MAST4: variants seen among roughly 807,000 people sequenced by gnomAD.
MAST4 encodes the protein microtubule associated serine/threonine kinase family member 4, also known as microtubule-associated serine/threonine-protein kinase 4.
MAST4 carries 89 observed loss-of-function variants against 162.7 expected under a neutral mutation model. The ratio of observed to expected loss-of-function variants is 0.55; its 90% CI spans 0.46 to 0.65. The LOEUF (loss-of-function observed/expected upper bound fraction) is 0.65, where lower values mean the gene tolerates loss of function less well. MAST4 is among the 30% of genes least tolerant of loss of function. The pLI is 0.00. For missense variants in MAST4, 3,153 were observed against 3,374.0 expected (o/e 0.93, Z 1.62); for synonymous variants, 1,479 against 1,361.1 (o/e 1.09, Z -1.91).
At chr5:66,934,091 A>T (rs1742461449) in intron 4 of MAST4, among the ~76,000 whole-genome samples, 1 of 152,156 alleles carries the variant, frequency 6.6e-6, no homozygotes, top group Admixed American at 6.5e-5. Flanking sequence ...ACATAATTGC[A>T]AAAAAAGTAG....
At chr5:66,871,331 T>G (rs547591119) in intron 3 of MAST4, among the ~76,000 whole-genome samples, 2 of 152,364 alleles carry the variant, frequency 1.3e-5, no homozygotes, top group Admixed American at 6.5e-5. Flanking sequence ...ACTTTAAATT[T>G]AGATATTTTT....
chr5:66,921,941 T>C (rs1456807168), intron 4 of MAST4, among the ~76,000 whole-genome samples: 1 of 152,192 alleles, frequency 6.6e-6, no homozygotes, highest in Non-Finnish European at 1.5e-5. Context: ...TTTGGTAAGA[T>C]GGTACCATCT....
chr5:67,116,366 C>T (rs144208689), intron 12 of MAST4, among the ~76,000 whole-genome samples: 1 of 151,436 alleles, frequency 6.6e-6, no homozygotes, highest in Non-Finnish European at 1.5e-5. Context: ...TCACCATGCT[C>T]AGCTAATTTT....
chr5:66,734,619 C>T (rs55638118), intron 1 of MAST4, among the ~76,000 whole-genome samples: 6,922 of 152,224 alleles, frequency 0.045, 234 homozygotes, highest in South Asian at 0.12. Flanking sequence ...TGTCCAATAG[C>T]GCTTTCTGAG....
intron 1 of MAST4, among the ~76,000 whole-genome samples, chr5:66,647,768 T>G (rs2149443736): frequency 6.6e-6 from 1 of 152,264 alleles, no homozygotes; most frequent in African/African-American, 2.4e-5. Context: ...CTTTTGCCAC[T>G]GGCAGGCCAT....
chr5:66,702,913 G>A (rs1749872924), intron 1 of MAST4, among the ~76,000 whole-genome samples: 1 of 152,200 alleles, frequency 6.6e-6, no homozygotes, highest in African/African-American at 2.4e-5. Flanking sequence ...AGGAAAGTTG[G>A]TGGAAGCGGG....
intron 2 of MAST4, among the ~76,000 whole-genome samples, chr5:66,779,656 A>G (rs1375332819): frequency 2.6e-5 from 4 of 152,152 alleles, no homozygotes; most frequent in African/African-American, 9.7e-5. Context: ...ACAGCTGAAG[A>G]TGAATAAGGG....
At chr5:66,656,597 G>C (rs1264712305) in intron 1 of MAST4, among the ~76,000 whole-genome samples, 2 of 152,060 alleles carry the variant, frequency 1.3e-5, no homozygotes, top group African/African-American at 4.8e-5. Context: ...CTCTAGATTC[G>C]ATTAAAAAAA....
At chr5:67,122,131 T>G (rs1767666959) in intron 14 of MAST4, among the ~76,000 whole-genome samples, 1 of 152,206 alleles carries the variant, frequency 6.6e-6, no homozygotes, top group African/African-American at 2.4e-5. Context: ...GCACAAACTA[T>G]GACCTGATCC....
intron 4 of MAST4, among the ~76,000 whole-genome samples, chr5:66,988,232 A>C (rs748839747): frequency 9.2e-5 from 14 of 152,180 alleles, no homozygotes; most frequent in Non-Finnish European, 2.1e-4. Context: ...CTGACCTTTA[A>C]TCTGAAGGGG....
intron 3 of MAST4, among the ~76,000 whole-genome samples, chr5:66,813,790 T>C (rs548335198): frequency 1.3e-5 from 2 of 152,264 alleles, no homozygotes; most frequent in Admixed American, 6.5e-5. Context: ...AACAGAAAAA[T>C]GAGTCCATGG....
chr5:67,104,898 G>A (rs1561658153), intron 10 of MAST4, among the ~76,000 whole-genome samples: 1 of 152,152 alleles, frequency 6.6e-6, no homozygotes, highest in Non-Finnish European at 1.5e-5. Context: ...AATTGCCTGA[G>A]CGTATGTGTG....
intron 12 of MAST4, 21 bp from the exon 13 acceptor site, chr5:67,118,661 C>CTTT: frequency 1.7e-6 from 2 of 1,161,674 alleles, no homozygotes; most frequent in Non-Finnish European, 1.2e-6. Flanking sequence ...TTAAGCTTAA[C>CTTT]TTTTTTTTTT....
intron 16 of MAST4, 96 bp downstream of exon 16, chr5:67,132,047 AATT>A: frequency 7.4e-7 from 1 of 1,354,198 alleles, no homozygotes; most frequent in Non-Finnish European, 1.0e-6. Context: ...TACATTTTTA[AATT>A]ATTCCATAAT....
chr5:66,951,939 C>T (rs1232807663), intron 4 of MAST4, among the ~76,000 whole-genome samples: 1 of 152,062 alleles, frequency 6.6e-6, no homozygotes, highest in East Asian at 1.9e-4. Context: ...TGCATGGAGG[C>T]AGTTTTTGGT....
chr5:66,936,527 AG>A (rs1242143370), intron 4 of MAST4, among the ~76,000 whole-genome samples: 4 of 152,134 alleles, frequency 2.6e-5, no homozygotes, highest in Admixed American at 2.6e-4. Flanking sequence ...TTACAGTCAA[AG>A]GGGGTTGTTC....
chr5:66,755,705 T>C (rs907845632), intron 1 of MAST4, among the ~76,000 whole-genome samples: 1 of 152,266 alleles, frequency 6.6e-6, no homozygotes, highest in Non-Finnish European at 1.5e-5. Context: ...TCTTAAAATA[T>C]GTATGTGTTG....
At chr5:66,997,663 C>T (rs1750823013) in intron 4 of MAST4, among the ~76,000 whole-genome samples, 1 of 152,010 alleles carries the variant, frequency 6.6e-6, no homozygotes, top group African/African-American at 2.4e-5. Flanking sequence ...GAACTCCTGA[C>T]CTCAGGTGCA....
intron 3 of MAST4, among the ~76,000 whole-genome samples, chr5:66,881,360 C>T (rs1456229125): frequency 6.6e-6 from 1 of 152,138 alleles, no homozygotes. Context: ...ATTAAGATTT[C>T]AGCTGCTGGA....
Sources: gnomAD v4.1 joint callset for allele counts (sites outside exome capture counted in the v4.1 genomes callset) on GRCh38, gnomAD v4.1.1 for gene constraint, MANE v1.5 for transcripts, NCBI Gene and HGNC (gene_info 2026-07-23, HGNC 2026-07-21) for gene names.